DLGAP2: variants seen among roughly 807,000 people sequenced by gnomAD.
The protein encoded by DLGAP2 is disks large-associated protein 2.
DLGAP2 carries 26 observed loss-of-function variants against 100.3 expected under a neutral mutation model. The observed-to-expected ratio is 0.26, with a 90% CI of 0.19 to 0.36. DLGAP2 has a LOEUF of 0.36. Ranked by LOEUF, DLGAP2 falls within the 10% of genes least tolerant of loss-of-function variation. DLGAP2 has a pLI of 1.00. For missense variants in DLGAP2, 1,858 were observed against 1,453.2 expected, an observed-to-expected ratio of 1.28 and a Z score of -4.53; for synonymous variants, 886 against 630.1, an observed-to-expected ratio of 1.41 and a Z score of -6.08.
intron 2 of DLGAP2, among the ~76,000 whole-genome samples, chr8:1,217,665 C>G (rs563909729): frequency 6.6e-6 from 1 of 152,196 alleles, no homozygotes; most frequent in Non-Finnish European, 1.5e-5. Context: ...CCCTGGTTAG[C>G]TATATTCCAA....
At position 1,022,488 on chromosome 8, in the gene DLGAP2, G is replaced by T. The variant is rs111719340; in HGVS notation, c.73+114522G>T. Reference sequence around the variant, plus strand: ...TCCAGCCGCCATCCATCCTCCCTGGGATTGGACGGTCCCATGCCGAGGTAG... The same window carrying T: ...TCCAGCCGCCATCCATCCTCCCTGGTATTGGACGGTCCCATGCCGAGGTAG... On this transcript the variant is annotated intron_variant, in intron 2 of 14. Transcript: ENST00000637795. Among the ~76,000 whole-genome samples the T allele has an allele frequency of 7.6e-3, 1,115 of 147,602 alleles. 18 individuals are homozygous for T. The highest frequency in any genetic ancestry group is 0.027 in the African/African-American group (1,058 of 39,296).
At chr8:1,233,474 G>T (rs1798579652) in intron 2 of DLGAP2, among the ~76,000 whole-genome samples, 2 of 152,196 alleles carry the variant, frequency 1.3e-5, no homozygotes, top group Non-Finnish European at 2.9e-5. Flanking sequence ...GGCTAACGGG[G>T]CTAATCGCAG....
intron 5 of DLGAP2, among the ~76,000 whole-genome samples, chr8:1,557,958 C>T (rs905940090): frequency 3.9e-5 from 6 of 152,338 alleles, no homozygotes; most frequent in Non-Finnish European, 1.5e-5. Context: ...CAGGCCATAA[C>T]TTGTGTGTCC....
chr8:963,291 C>T (rs769791035), intron 2 of DLGAP2, among the ~76,000 whole-genome samples: 3 of 148,622 alleles, frequency 2.0e-5, no homozygotes, highest in Admixed American at 1.3e-4. Context: ...AGGCACCCTA[C>T]GTAAGGCAAG....
chr8:1,438,268 C>G (rs910988988), intron 3 of DLGAP2, among the ~76,000 whole-genome samples: 1 of 152,070 alleles, frequency 6.6e-6, no homozygotes, highest in African/African-American at 2.4e-5. Flanking sequence ...CAGTTTCCTC[C>G]CCCAACCATG....
chr8:1,481,559 A>G (rs1436863946), intron 3 of DLGAP2, among the ~76,000 whole-genome samples: 4 of 135,736 alleles, frequency 2.9e-5, no homozygotes, highest in Admixed American at 1.8e-4. Flanking sequence ...GATCACTGCA[A>G]CCTCCAGCTC....
chr8:1,276,591 G>A lies in DLGAP2; in HGVS notation c.106+17708G>A, dbSNP rs183178655. Among the ~76,000 whole-genome samples, 11 of 151,948 alleles carry A rather than the reference G, an allele frequency of 7.2e-5. No individual in the cohort carries two copies. In the East Asian group the frequency reaches 1.2e-3, roughly 16 times the overall value. The stretch of plus-strand genomic sequence containing the variant: ...CACATTAAGTGCGGTTTGAGTACAC[G>A]ATGACCAGGAAGCCCAAAGGTGGTG... On this transcript the variant is annotated intron_variant, in intron 3 of 14. Coordinates refer to ENST00000637795, the MANE Select transcript of DLGAP2 (RefSeq NM_001346810.2).
intron 5 of DLGAP2, among the ~76,000 whole-genome samples, chr8:1,550,753 T>C (rs1801738600): frequency 6.6e-6 from 1 of 152,212 alleles, no homozygotes. Context: ...CTCTGAATTG[T>C]GCCATGCCTG....
chr8:1,550,596 C>A (rs778732016), intron 5 of DLGAP2, among the ~76,000 whole-genome samples: 4 of 152,146 alleles, frequency 2.6e-5, no homozygotes, highest in African/African-American at 9.7e-5. Context: ...TAAGCACCCC[C>A]CACTACAAAA....
At chr8:830,585 C>G (rs1796763161) in intron 1 of DLGAP2, among the ~76,000 whole-genome samples, 1 of 152,098 alleles carries the variant, frequency 6.6e-6, no homozygotes, top group Non-Finnish European at 1.5e-5. Flanking sequence ...ATTTGCGATT[C>G]TATTTATTTA....
chr8:1,625,643 T>A (rs1364163037), intron 6 of DLGAP2, among the ~76,000 whole-genome samples: 1 of 152,236 alleles, frequency 6.6e-6, no homozygotes, highest in Non-Finnish European at 1.5e-5. Flanking sequence ...AGAGAGCCAA[T>A]AATTTTTATG....
chr8:1,640,999 C>T (rs903740057), intron 8 of DLGAP2, among the ~76,000 whole-genome samples: 3 of 152,082 alleles, frequency 2.0e-5, no homozygotes, highest in Middle Eastern at 3.2e-3. Context: ...ACAGTCTCTG[C>T]GGAGAGGAGG....
chr8:1,091,345 A>G (rs1362169860), intron 2 of DLGAP2, among the ~76,000 whole-genome samples: 1 of 152,210 alleles, frequency 6.6e-6, no homozygotes, highest in East Asian at 1.9e-4. Context: ...GCGTCTGCTG[A>G]GCATTGGGTT....
At chr8:1,500,243 G>T (rs534930689) in intron 3 of DLGAP2, among the ~76,000 whole-genome samples, 1 of 152,312 alleles carries the variant, frequency 6.6e-6, no homozygotes, top group African/African-American at 2.4e-5. Flanking sequence ...CCCCTCCTCA[G>T]GCCACTCCCC....
intron 3 of DLGAP2, among the ~76,000 whole-genome samples, chr8:1,345,740 C>T (rs1278979880): frequency 6.6e-6 from 1 of 152,190 alleles, no homozygotes; most frequent in African/African-American, 2.4e-5. Flanking sequence ...GATGTTGTTT[C>T]AAACACAAGT....
rs763133160 is a variant in DLGAP2 at position 1,565,850 on chromosome 8, G to A, written c.1398G>A (p.Pro466=). The change falls in exon 6 of 15, where the codon CCG becomes CCA. Residue 466 remains proline (P), a synonymous_variant. Coordinates refer to ENST00000637795, the MANE Select transcript of DLGAP2 (RefSeq NM_001346810.2). The part of the protein sequence containing the change: ...TSPKSAILPE[P]LLKSIGQRPL... ...CAAAGTCGGCAATCCTACCAGAGCC[G>A]CTGCTGAAGTCCATCGGACAGAGAC... is the stretch of plus-strand genomic sequence containing the variant. 2.5e-5 allele frequency: 41 copies of A among 1,612,430 alleles called. No individual in the cohort carries two copies. The highest frequency in any genetic ancestry group is 3.2e-5 in the Non-Finnish European group (38 of 1,179,222).
At chr8:1,633,182 TG>T in intron 8 of DLGAP2, 136 bp downstream of exon 8, 1 of 761,350 alleles carries the variant, frequency 1.3e-6, no homozygotes, top group Admixed American at 2.8e-5. Flanking sequence ...CCTAATTGCA[TG>T]TGTTACACTG....
rs987098116 is a variant in DLGAP2, at chr8:1,099,955, A to G, written c.74-158896A>G. On this transcript the variant is annotated intron_variant, in intron 2 of 14. Coordinates refer to ENST00000637795, the MANE Select transcript of DLGAP2 (RefSeq NM_001346810.2). ...CCAGGGTTTTGCTTCCCGAGATTTC[A>G]GTTACCCGAAGTCAACTGAGATCTG... Among the ~76,000 whole-genome samples, 3 of 152,218 alleles carry G rather than the reference A, an allele frequency of 2.0e-5. No individual in the cohort carries two copies. In the East Asian group the frequency reaches 5.8e-4, roughly 29 times the overall value.
At chr8:971,074 G>C (rs916377049) in intron 2 of DLGAP2, among the ~76,000 whole-genome samples, 1 of 152,164 alleles carries the variant, frequency 6.6e-6, no homozygotes, top group Admixed American at 6.5e-5. Flanking sequence ...CTGGGAGTAT[G>C]AATGAAAATT....
Sources: allele counts gnomAD v4.1 joint callset (sites outside exome capture counted in the v4.1 genomes callset), GRCh38; gene constraint gnomAD v4.1.1; transcripts MANE v1.5; gene names NCBI Gene and HGNC (gene_info 2026-07-23, HGNC 2026-07-21).